Variants in CRACD observed in about 807,000 individuals in gnomAD.
CRACD encodes capping protein inhibiting regulator of actin dynamics, also known as capping protein-inhibiting regulator of actin dynamics.
CRACD carries 56 observed loss-of-function variants against 106.8 expected under a neutral mutation model. The observed-to-expected ratio is 0.52, with a 90% CI of 0.42 to 0.66. The LOEUF (loss-of-function observed/expected upper bound fraction) is 0.66, where lower values mean the gene tolerates loss of function less well. CRACD is among the 30% of genes least tolerant of loss of function. The probability of loss-of-function intolerance (pLI) is 0.00; values close to 1 mark genes in which losing one functional copy is unlikely to be tolerated. For missense variants in CRACD, 1,730 were observed against 1,623.2 expected, an observed-to-expected ratio of 1.07 and a Z score of -1.13; for synonymous variants, 754 against 670.8, an observed-to-expected ratio of 1.12 and a Z score of -1.92.
intron 1 of CRACD, among the ~76,000 whole-genome samples, chr4:56,146,731 A>T (rs1735396985): frequency 6.6e-6 from 1 of 152,186 alleles, no homozygotes; most frequent in South Asian, 2.1e-4. Context: ...GAATTTATAC[A>T]CTATGCATTT....
chr4:56,292,673 T>C (rs1007538622), intron 3 of CRACD, among the ~76,000 whole-genome samples: 2 of 152,000 alleles, frequency 1.3e-5, no homozygotes, highest in East Asian at 1.9e-4. Flanking sequence ...TACAGGCGCC[T>C]GCCACCACGC....
At chr4:56,286,610 G>C (rs1359471336) in intron 3 of CRACD, among the ~76,000 whole-genome samples, 2 of 151,134 alleles carry the variant, frequency 1.3e-5, no homozygotes, top group African/African-American at 4.9e-5. Context: ...ATCATTTACA[G>C]ATGTCAATTA....
At chr4:56,298,497 C>T (rs1192502384) in intron 4 of CRACD, 148 bp downstream of exon 4, 1 of 953,228 alleles carries the variant, frequency 1.0e-6, no homozygotes, top group Non-Finnish European at 1.5e-6. Context: ...TTGAATTCAA[C>T]TGTATTCTCT....
chr4:56,188,548 C>T (rs1319705129), intron 2 of CRACD, among the ~76,000 whole-genome samples: 2 of 151,692 alleles, frequency 1.3e-5, no homozygotes, highest in East Asian at 3.9e-4. Flanking sequence ...TTCTCTGATA[C>T]CTCCCGTTCC....
At chr4:56,219,843 G>A (rs1375907563) in intron 2 of CRACD, among the ~76,000 whole-genome samples, 1 of 152,186 alleles carries the variant, frequency 6.6e-6, no homozygotes, top group Non-Finnish European at 1.5e-5. Context: ...TTAGGTCAAT[G>A]CTTAAATGTG....
At chr4:56,104,240 T>A (rs1193411496) in intron 1 of CRACD, among the ~76,000 whole-genome samples, 1 of 151,794 alleles carries the variant, frequency 6.6e-6, no homozygotes, top group African/African-American at 2.4e-5. Flanking sequence ...CTACAAAAAA[T>A]AAAAAAATTA....
chr4:56,117,902 G>A (rs1045651057), intron 1 of CRACD, among the ~76,000 whole-genome samples: 5 of 151,822 alleles, frequency 3.3e-5, no homozygotes, highest in African/African-American at 1.2e-4. Flanking sequence ...GGGATTACAG[G>A]CGCCTGCCAC....
intron 1 of CRACD, among the ~76,000 whole-genome samples, chr4:56,070,328 C>A (rs147204779): frequency 0.031 from 4,371 of 141,006 alleles, 93 homozygotes; most frequent in Admixed American, 0.066. Flanking sequence ...GAGACGGAGT[C>A]TCGCTCTGTC....
In CRACD at chr4:56,182,861, A is replaced by ATGTGTGTG. The variant is rs763638808; in HGVS notation, c.-189+3432_-189+3433insGTGTGTGT. ...TTCTCATACAACGTAGAAAAAAAAGATATGTGTGTGTGTGTGTGTGTGTGT... is the reference window on the plus strand; with the variant it reads ...TTCTCATACAACGTAGAAAAAAAAGATGTGTGTGTATGTGTGTGTGTGTGTGTGTGTGT... On this transcript the variant is annotated intron_variant, in intron 2 of 10. Transcript: ENST00000682029. Among the ~76,000 whole-genome samples the ATGTGTGTG allele has an allele frequency of 7.0e-3, 709 of 101,968 alleles. 10 individuals carry two copies. Among genetic ancestry groups the ATGTGTGTG allele is most frequent in the African/African-American group, 0.022 (600 of 27,558 alleles). The allele number at this position is 101,968 out of a possible 152,430, so 66.9% of individuals were successfully genotyped here.
chr4:56,080,315 C>T lies in CRACD; in HGVS notation c.-336+31016C>T, dbSNP rs190902974. Among the ~76,000 whole-genome samples the T allele has an allele frequency of 1.6e-3, 236 of 152,228 alleles. 2 individuals carry two copies. Among genetic ancestry groups the T allele is most frequent in the African/African-American group, 5.5e-3 (229 of 41,544 alleles). The stretch of plus-strand genomic sequence containing the variant: ...TGATCATATGTTCTGGCCCATAAAA[C>T]GGTATTTTTTTTCCAGAGATGATTT... On this transcript the variant is annotated intron_variant, in intron 1 of 10. Transcript: ENST00000682029.
intron 3 of CRACD, among the ~76,000 whole-genome samples, chr4:56,275,104 T>G (rs600992): frequency 0.48 from 72,223 of 151,882 alleles, 18,118 homozygotes; most frequent in African/African-American, 0.64. Context: ...ACAAAGACGG[T>G]AACAACAGAC....
chr4:56,152,320 A>G (rs574472229), intron 1 of CRACD, among the ~76,000 whole-genome samples: 1 of 151,856 alleles, frequency 6.6e-6, no homozygotes, highest in Non-Finnish European at 1.5e-5. Flanking sequence ...CCCAGCTGCA[A>G]ATAGTTTTTT....
In CRACD at chr4:56,323,491, G is replaced by A. The variant is rs1234287655; in HGVS notation, c.3302G>A (p.Arg1101Gln). ...GCACTGCAAAAGCAAAAGGGGTTTC[G>A]GGAGCAGCAGGCGACGCGGGAGGAG... is the stretch of plus-strand genomic sequence containing the variant. ...TLALQKQKGFREQQATREERK... is the reference protein window; with the variant it reads ...TLALQKQKGFQEQQATREERK... The change falls in exon 9 of 11, where the codon CGG (arginine) becomes CAG (glutamine). Residue 1101 changes from arginine (R) to glutamine (Q), a missense_variant. Physicochemically the swap from Arg to Gln is conservative, Grantham distance 43. Transcript: ENST00000682029. 7 of 1,609,300 alleles carry A rather than the reference G, an allele frequency of 4.3e-6. No homozygotes were observed. Among genetic ancestry groups the A allele is most frequent in the East Asian group, 2.2e-5 (1 of 44,592 alleles).
intron 2 of CRACD, chr4:56,196,559 G>A (rs1240094817): frequency 6.6e-6 from 1 of 152,436 alleles, no homozygotes; most frequent in African/African-American, 2.4e-5. Flanking sequence ...ATCTGTCTAG[G>A]ACACATCAAA....
At chr4:56,260,911 ATCCATCCATCCG>A (rs1224237850) in intron 2 of CRACD, among the ~76,000 whole-genome samples, 35 of 95,458 alleles carry the variant, frequency 3.7e-4, no homozygotes, top group African/African-American at 1.2e-3. Context: ...CCATCCATCC[ATCCATCCATCCG>A]TCCATCCATC....
At chr4:56,261,658 C>G (rs1363594889) in intron 2 of CRACD, among the ~76,000 whole-genome samples, 1 of 152,168 alleles carries the variant, frequency 6.6e-6, no homozygotes, top group Non-Finnish European at 1.5e-5. Context: ...CCCTCTGTTA[C>G]TGTTTCTCAA....
intron 2 of CRACD, among the ~76,000 whole-genome samples, chr4:56,266,510 C>T (rs1293013397): frequency 1.3e-5 from 2 of 152,208 alleles, no homozygotes; most frequent in Non-Finnish European, 2.9e-5. Context: ...GTCTAAAATG[C>T]CATCTTAAAT....
rs377327550 is a variant in CRACD, at chr4:56,124,362, G to A, written c.-335-54922G>A. On this transcript the variant is annotated intron_variant, in intron 1 of 10. Coordinates refer to ENST00000682029, the MANE Select transcript of CRACD (RefSeq NM_001393381.1). ...ATCAGCATGTGACCAATCTTGTTTCGTGTATATCCCACCCCTGCTGGAGTA... is the reference window on the plus strand; with the variant it reads ...ATCAGCATGTGACCAATCTTGTTTCATGTATATCCCACCCCTGCTGGAGTA... Among the ~76,000 whole-genome samples the A allele has an allele frequency of 2.0e-4, 30 of 152,244 alleles. No homozygotes were observed. The East Asian group carries it at 2.1e-3, about 11-fold the overall frequency.
chr4:56,300,500 G>A (rs923615328), intron 4 of CRACD, among the ~76,000 whole-genome samples: 3 of 152,168 alleles, frequency 2.0e-5, no homozygotes, highest in African/African-American at 7.2e-5. Flanking sequence ...GAAGAAGAGG[G>A]AAGTATGGTG....
Sources: allele counts gnomAD v4.1 joint callset (sites outside exome capture counted in the v4.1 genomes callset), GRCh38; gene constraint gnomAD v4.1.1; transcripts MANE v1.5; gene names NCBI Gene and HGNC (gene_info 2026-07-23, HGNC 2026-07-21).